The following FBXL20 variants were observed in gnomAD, a reference collection of about 807,000 sequenced individuals.
The protein encoded by FBXL20 is F-box and leucine rich repeat protein 20.
Under a neutral mutation model 64.0 loss-of-function variants are expected in FBXL20, and 11 were observed. The ratio of observed to expected loss-of-function variants is 0.17; its 90% CI spans 0.11 to 0.28. FBXL20 has a LOEUF of 0.28. FBXL20 is among the 10% of genes least tolerant of loss of function. The pLI, the probability that FBXL20 is intolerant of heterozygous loss-of-function variation, is 1.00. For synonymous variants in FBXL20, 184 were observed against 189.0 expected, an observed-to-expected ratio of 0.97 and a Z score of 0.22; for missense variants, 303 against 526.2, an observed-to-expected ratio of 0.58 and a Z score of 4.15.
chr17:39,298,999 T>C lies in FBXL20; in HGVS notation c.320A>G (p.Asn107Ser), dbSNP rs575086377. The C allele has an allele frequency of 2.2e-5, 36 of 1,612,472 alleles. No individual in the cohort carries two copies. Among genetic ancestry groups the C allele is most frequent in the East Asian group, 1.3e-4 (6 of 44,856 alleles). Residue 107 changes from asparagine (N) to serine (S), a missense_variant, in exon 5 of 15, where the codon AAT (asparagine) becomes AGT (serine). Around this residue, in one of 3 missense-constraint regions of FBXL20, gnomAD observed 246 missense variants for 422.6 expected, o/e 0.58. Transcript: ENST00000264658. ...ATAGTTATGTTTTTACCTTAATGCA[T>C]TGTCTCCCACTCCAAGACATCCACG... ...SLRGCLGVGD[N>S]ALRTFAQNCR... is the part of the protein sequence containing the mutation.
chr17:39,316,675 A>G (rs2047295318), intron 2 of FBXL20, among the ~76,000 whole-genome samples: 1 of 152,242 alleles, frequency 6.6e-6, no homozygotes, highest in Admixed American at 6.5e-5. Context: ...GATGTAAATT[A>G]ATAAACTGAA....
At chr17:39,334,040 G>A (rs74846752) in intron 2 of FBXL20, among the ~76,000 whole-genome samples, 3 of 152,202 alleles carry the variant, frequency 2.0e-5, no homozygotes, top group African/African-American at 7.2e-5. Flanking sequence ...AGGGGGAAAT[G>A]TGGGGAAAAG....
upstream of FBXL20, chr17:39,401,718 C>CCGGGAGGGGGAGGGG (rs958681952): frequency 4.5e-6 from 5 of 1,114,568 alleles, no homozygotes; most frequent in Admixed American, 2.1e-4. Flanking sequence ...CTCGGAGCGC[C>CCGGGAGGGGGAGGGG]CGGGAGGGGG....
intron 2 of FBXL20, among the ~76,000 whole-genome samples, chr17:39,325,199 G>A (rs1397672326): frequency 6.6e-6 from 1 of 152,034 alleles, no homozygotes; most frequent in Non-Finnish European, 1.5e-5. Flanking sequence ...CAGAGACCCT[G>A]TCTCAAAAAA....
chr17:39,272,342 C>A (rs1159140942), intron 10 of FBXL20, among the ~76,000 whole-genome samples: 2 of 150,382 alleles, frequency 1.3e-5, no homozygotes, highest in Non-Finnish European at 2.9e-5. Context: ...GCTGAGGTCA[C>A]GCCACTGCGC....
intron 4 of FBXL20, 95 bp downstream of exon 4, chr17:39,300,906 C>CT: frequency 8.3e-7 from 1 of 1,201,026 alleles, no homozygotes; most frequent in Non-Finnish European, 1.2e-6. Flanking sequence ...TAGTTCCTCT[C>CT]TTTAACGAAA....
intron 2 of FBXL20, among the ~76,000 whole-genome samples, chr17:39,340,804 C>T (rs1597807819): frequency 6.6e-6 from 1 of 151,908 alleles, no homozygotes; most frequent in African/African-American, 2.4e-5. Context: ...GTCATAAAAA[C>T]CACATATTTG....
upstream of FBXL20, chr17:39,402,484 C>G: frequency 1.1e-5 from 2 of 183,306 alleles, no homozygotes; most frequent in Non-Finnish European, 1.1e-5. Flanking sequence ...GGCCGGGGGT[C>G]GGGGGTGCAG....
intron 1 of FBXL20, among the ~76,000 whole-genome samples, chr17:39,401,083 T>C (rs2048237242): frequency 6.6e-6 from 1 of 152,164 alleles, no homozygotes; most frequent in African/African-American, 2.4e-5. Flanking sequence ...AATGGAAAGC[T>C]GAGCGATCCT....
At chr17:39,391,778 C>T (rs547571174) in intron 1 of FBXL20, among the ~76,000 whole-genome samples, 11 of 151,782 alleles carry the variant, frequency 7.2e-5, no homozygotes, top group Non-Finnish European at 7.4e-5. Flanking sequence ...AAATTTAAAT[C>T]GTTTATTTGC....
chr17:39,341,483 A>T (rs2047582607), intron 2 of FBXL20, among the ~76,000 whole-genome samples: 1 of 152,240 alleles, frequency 6.6e-6, no homozygotes, highest in Non-Finnish European at 1.5e-5. Context: ...CTGGAAAATC[A>T]TTACATAACT....
intron 2 of FBXL20, among the ~76,000 whole-genome samples, 192 bp downstream of exon 2, chr17:39,342,988 T>C (rs368956777): frequency 9.9e-5 from 15 of 152,210 alleles, no homozygotes; most frequent in African/African-American, 3.1e-4. Context: ...ATGGAAAAAA[T>C]TGGTACTAAA....
At chr17:39,300,874 A>C (rs911457768) in intron 4 of FBXL20, 127 bp downstream of exon 4, 10 of 829,588 alleles carry the variant, frequency 1.2e-5, no homozygotes, top group East Asian at 2.8e-5. Context: ...GTTCCTGTAA[A>C]GTTCAGATGC....
At chr17:39,396,469 G>A (rs1335350503) in intron 1 of FBXL20, among the ~76,000 whole-genome samples, 1 of 151,830 alleles carries the variant, frequency 6.6e-6, no homozygotes, top group Non-Finnish European at 1.5e-5. Context: ...GGTGGCGGGT[G>A]CCTGTAATCC....
chr17:39,377,988 G>A (rs1175459997), intron 1 of FBXL20, among the ~76,000 whole-genome samples: 1 of 151,926 alleles, frequency 6.6e-6, no homozygotes, highest in Non-Finnish European at 1.5e-5. Flanking sequence ...CTCTAGCCTG[G>A]GCGACAGAGC....
intron 14 of FBXL20, among the ~76,000 whole-genome samples, chr17:39,263,140 G>A (rs2046762424): frequency 6.6e-6 from 1 of 152,168 alleles, no homozygotes; most frequent in Admixed American, 6.5e-5. Context: ...GAGCACTTTG[G>A]GAGGCTGAGG....
chr17:39,291,847 C>T (rs1305755689), intron 6 of FBXL20, among the ~76,000 whole-genome samples: 1 of 152,168 alleles, frequency 6.6e-6, no homozygotes, highest in African/African-American at 2.4e-5. Context: ...CTCAATGAAG[C>T]ATATTTTCTA....
intron 14 of FBXL20, 110 bp downstream of exon 14, chr17:39,264,065 G>T: frequency 8.5e-7 from 1 of 1,183,086 alleles, no homozygotes; most frequent in Non-Finnish European, 1.2e-6. Context: ...CTTGTTAAAT[G>T]TTCAAGTAAA....
At chr17:39,303,833 C>T (rs559076716) in intron 2 of FBXL20, among the ~76,000 whole-genome samples, 194 bp from the exon 3 acceptor site, 7 of 152,072 alleles carry the variant, frequency 4.6e-5, no homozygotes, top group Non-Finnish European at 1.0e-4. Flanking sequence ...ACTAGAGATG[C>T]GTGCCACCAT....
Sources: allele counts gnomAD v4.1 joint callset (sites outside exome capture counted in the v4.1 genomes callset), GRCh38; gene constraint gnomAD v4.1.1; regional missense constraint gnomAD v4.1.1; transcripts MANE v1.5; gene names NCBI Gene and HGNC (gene_info 2026-07-23, HGNC 2026-07-21).